Variants in CHD1 observed in about 807,000 individuals in gnomAD.
CHD1 encodes the protein ATP-dependent chromatin remodeler CHD1.
Under a neutral mutation model 224.2 loss-of-function variants are expected in CHD1, and 36 were observed. That is an observed-to-expected ratio of 0.16 (90% confidence interval 0.12 to 0.21). The LOEUF (loss-of-function observed/expected upper bound fraction) is 0.21, where lower values mean the gene tolerates loss of function less well. Among genes scored for constraint, CHD1 ranks in the 10% least tolerant of loss-of-function variants. The probability of loss-of-function intolerance (pLI) is 1.00; values close to 1 mark genes in which losing one functional copy is unlikely to be tolerated. For missense variants in CHD1, 1,378 were observed against 1,994.8 expected (o/e 0.69, Z 5.89); for synonymous variants, 668 against 658.3 (o/e 1.01, Z -0.23).
At chr5:98,900,599 C>T (rs1751639386) in intron 7 of CHD1, among the ~76,000 whole-genome samples, 1 of 151,938 alleles carries the variant, frequency 6.6e-6, no homozygotes, top group African/African-American at 2.4e-5. Context: ...ACCACCTCAC[C>T]TAGCTAATCT....
Position 98,863,419 on chromosome 5 carries a change from C to A in CHD1, c.4416G>T (p.Lys1472Asn), listed in dbSNP as rs1748627246. 2 of 1,542,386 alleles carry A rather than the reference C, an allele frequency of 1.3e-6. No homozygotes were observed. Among genetic ancestry groups the A allele is most frequent in the Non-Finnish European group, 8.7e-7 (1 of 1,143,544 alleles). Residue 1472 changes from lysine (K) to asparagine (N), a missense_variant, in exon 32 of 36, where the codon AAG becomes AAT. Physicochemically the swap from Lys to Asn is moderately conservative, Grantham distance 94. Transcript: ENST00000614616. ...AGTGTATCACTTACTTTCTCCATTG[C>A]TTAATTTGTTCAGGATTTGTATACT... is the stretch of plus-strand genomic sequence containing the variant. ...LKEYTNPEQI[K>N]QWRKNLWIFV...
intron 22 of CHD1, among the ~76,000 whole-genome samples, 154 bp downstream of exon 22, chr5:98,880,922 T>C (rs1750127760): frequency 6.6e-6 from 1 of 152,234 alleles, no homozygotes; most frequent in African/African-American, 2.4e-5. Flanking sequence ...TCAAATCAGT[T>C]TGCTACTGGT....
intron 4 of CHD1, among the ~76,000 whole-genome samples, chr5:98,903,381 T>C (rs1295595730): frequency 2.0e-5 from 3 of 151,556 alleles, no homozygotes; most frequent in Non-Finnish European, 2.9e-5. Context: ...ACAAACTACA[T>C]TGTGTATAGT....
At position 98,892,705 on chromosome 5, in the gene CHD1, G is replaced by T; in HGVS notation, c.2000C>A (p.Ser667Tyr). ...ATGTTCTTCTTCAAAATCTTCCCAG[G>T]AAGAAAACCTTTAAAATTTAAGAAA... is the stretch of plus-strand genomic sequence containing the variant. Reference protein sequence around the residue: ...LHFIMPEKFSSWEDFEEEHGK... With the variant: ...LHFIMPEKFSYWEDFEEEHGK... The change falls in exon 15 of 36, where the codon TCC becomes TAC. Residue 667 changes from serine (S) to tyrosine (Y), a missense_variant. Ser to Tyr is a moderately radical substitution (Grantham distance 144). Around this residue, in one of 16 missense-constraint regions of CHD1, gnomAD observed 37 missense variants for 118.9 expected, o/e 0.31. Transcript: ENST00000614616. The T allele has an allele frequency of 6.3e-7, 1 of 1,578,142 alleles. No individual in the cohort carries two copies. The highest frequency in any genetic ancestry group is 8.6e-7 in the Non-Finnish European group (1 of 1,160,110).
At chr5:98,863,340 A>C in intron 32 of CHD1, 68 bp downstream of exon 32, 1 of 927,798 alleles carries the variant, frequency 1.1e-6, no homozygotes, top group Non-Finnish European at 1.5e-6. Flanking sequence ...ATCAGGAAAG[A>C]AAACAAAAAA....
intron 2 of CHD1, among the ~76,000 whole-genome samples, chr5:98,911,077 G>T (rs1334583239): frequency 2.1e-5 from 3 of 141,304 alleles, no homozygotes; most frequent in Non-Finnish European, 4.5e-5. Context: ...CAGGCTCTAA[G>T]GCTGCAATAG....
At chr5:98,877,831 C>T (rs1749876014) in intron 23 of CHD1, among the ~76,000 whole-genome samples, 1 of 152,118 alleles carries the variant, frequency 6.6e-6, no homozygotes, top group Non-Finnish European at 1.5e-5. Flanking sequence ...ATTTTTGGCT[C>T]TACTTCTGGC....
intron 28 of CHD1, among the ~76,000 whole-genome samples, chr5:98,871,502 A>G (rs565181396): frequency 5.3e-5 from 8 of 152,088 alleles, no homozygotes; most frequent in African/African-American, 1.9e-4. Context: ...TCTTACTGGA[A>G]TAATAAAATT....
intron 1 of CHD1, among the ~76,000 whole-genome samples, chr5:98,927,981 T>G (rs1229338574): frequency 6.6e-6 from 1 of 152,194 alleles, no homozygotes; most frequent in Non-Finnish European, 1.5e-5. Flanking sequence ...GCTTTGCTCC[T>G]GCTAAGTTTT....
In CHD1 at chr5:98,900,991, T is replaced by C; in HGVS notation, c.679A>G (p.Asn227Asp). The C allele has an allele frequency of 9.9e-6, 16 of 1,614,018 alleles. No homozygotes were observed. Among genetic ancestry groups the C allele is most frequent in the Non-Finnish European group, 1.3e-5 (15 of 1,179,940 alleles). The change falls in exon 7 of 36, where the codon AAT becomes GAT. Residue 227 changes from asparagine to aspartate, a missense_variant. Physicochemically the swap from Asn to Asp is conservative, Grantham distance 23. Coordinates refer to ENST00000614616, the MANE Select transcript of CHD1 (RefSeq NM_001270.4). ...EEDDDEEDYD[N>D]DKRSSRRQAT... is the part of the protein sequence containing the mutation. ...TGGCGACGAGAACTTCTTTTATCAT[T>C]ATCATAATCTTCTTCATCATCATCC...
chr5:98,872,396 T>C (rs1455797991), intron 27 of CHD1, 21 bp downstream of exon 27: 1 of 1,599,254 alleles, frequency 6.3e-7, no homozygotes, highest in Non-Finnish European at 8.5e-7. Flanking sequence ...AATCTTACAA[T>C]GGAGAAAATA....
chr5:98,903,418 T>C (rs550858775), intron 4 of CHD1, among the ~76,000 whole-genome samples: 4 of 152,330 alleles, frequency 2.6e-5, no homozygotes, highest in South Asian at 2.1e-4. Context: ...AAAAATATTA[T>C]GTTGAGATTT....
chr5:98,910,589 T>C (rs911062424), intron 2 of CHD1, among the ~76,000 whole-genome samples: 1 of 152,154 alleles, frequency 6.6e-6, no homozygotes, highest in Non-Finnish European at 1.5e-5. Context: ...TGTCCTCTCT[T>C]CCCCTATAGT....
intron 31 of CHD1, among the ~76,000 whole-genome samples, chr5:98,867,826 A>T (rs1473048548): frequency 8.4e-6 from 1 of 119,750 alleles, no homozygotes; most frequent in Admixed American, 1.1e-4. Flanking sequence ...TTTGAGATAG[A>T]GTCTCACTGT....
chr5:98,897,580 C>T (rs752807744), intron 10 of CHD1, among the ~76,000 whole-genome samples: 7 of 152,112 alleles, frequency 4.6e-5, no homozygotes, highest in African/African-American at 1.7e-4. Flanking sequence ...AAATATGAGT[C>T]TCATGTATTT....
At chr5:98,882,402 A>T in intron 19 of CHD1, among the ~76,000 whole-genome samples, 1 of 127,106 alleles carries the variant, frequency 7.9e-6, no homozygotes, top group Non-Finnish European at 1.6e-5. Flanking sequence ...TTATGTTATG[A>T]TTTAGCTGGG....
intron 2 of CHD1, among the ~76,000 whole-genome samples, chr5:98,914,869 A>T (rs1166735415): frequency 2.9e-5 from 4 of 139,486 alleles, no homozygotes; most frequent in Non-Finnish European, 6.1e-5. Context: ...ACAGTATTAC[A>T]ATTATTTTTA....
chr5:98,898,909 G>A lies in CHD1; in HGVS notation c.1086-145C>T. The A allele has an allele frequency of 9.8e-6, 6 of 610,214 alleles. No individual in the cohort carries two copies. The South Asian group carries it at 1.2e-4, about 12-fold the overall frequency. The allele number at this position is 610,214 out of a possible 1,614,324, so 37.8% of individuals were successfully genotyped here. On this transcript the variant is annotated intron_variant, in intron 8 of 35. Coordinates refer to ENST00000614616, the MANE Select transcript of CHD1 (RefSeq NM_001270.4). ...TTTGAGTAATAAAGAAACTCAAACAGGAATAAAGCATCATTAATTTTTAAC... is the reference window on the plus strand; with the variant it reads ...TTTGAGTAATAAAGAAACTCAAACAAGAATAAAGCATCATTAATTTTTAAC...
At chr5:98,876,132 G>A (rs552987511) in intron 24 of CHD1, among the ~76,000 whole-genome samples, 42 of 152,214 alleles carry the variant, frequency 2.8e-4, no homozygotes, top group African/African-American at 1.0e-3. Context: ...TTATTCGAAA[G>A]GATCACTATT....
Sources: allele counts gnomAD v4.1 joint callset (sites outside exome capture counted in the v4.1 genomes callset), GRCh38; gene constraint gnomAD v4.1.1; regional missense constraint gnomAD v4.1.1; transcripts MANE v1.5; gene names NCBI Gene and HGNC (gene_info 2026-07-23, HGNC 2026-07-21).